Variants in TSHZ2 observed in about 807,000 individuals in gnomAD.
The protein encoded by TSHZ2 is teashirt zinc finger homeobox 2.
Under a neutral mutation model 74.4 loss-of-function variants are expected in TSHZ2, and 21 were observed. The ratio of observed to expected loss-of-function variants is 0.28; its 90% CI spans 0.20 to 0.41. The LOEUF is 0.41. Ranked by LOEUF, TSHZ2 falls within the 10% of genes least tolerant of loss-of-function variation. The probability of loss-of-function intolerance (pLI) is 1.00; values close to 1 mark genes in which losing one functional copy is unlikely to be tolerated. For synonymous variants in TSHZ2, 540 were observed against 515.3 expected (o/e 1.05, Z -0.65); for missense variants, 1,244 against 1,293.5 (o/e 0.96, Z 0.59).
At chr20:52,994,734 T>C (rs562329258) in intron 1 of TSHZ2, among the ~76,000 whole-genome samples, 1 of 152,322 alleles carries the variant, frequency 6.6e-6, no homozygotes, top group East Asian at 1.9e-4. Context: ...TTTCCCTGGT[T>C]GGCCACTCTG....
chr20:53,125,792 TA>T (rs1454148028), intron 1 of TSHZ2, among the ~76,000 whole-genome samples: 5 of 152,166 alleles, frequency 3.3e-5, no homozygotes, highest in African/African-American at 1.2e-4. Flanking sequence ...ATTAACACAT[TA>T]GATAACCAAA....
intron 1 of TSHZ2, among the ~76,000 whole-genome samples, chr20:52,991,303 G>A (rs865892942): frequency 0.016 from 2,135 of 136,524 alleles, 8 homozygotes; most frequent in African/African-American, 0.059. Flanking sequence ...GATTATGTAT[G>A]TTGTGGGTAT....
At chr20:53,247,764 G>A (rs774373216) in intron 1 of TSHZ2, among the ~76,000 whole-genome samples, 10 of 152,146 alleles carry the variant, frequency 6.6e-5, no homozygotes, top group African/African-American at 1.9e-4. Context: ...TGTCACCATC[G>A]GATATGTTTT....
chr20:53,481,893 C>T (rs1052628896), intron 2 of TSHZ2, among the ~76,000 whole-genome samples: 8 of 152,014 alleles, frequency 5.3e-5, no homozygotes, highest in African/African-American at 1.9e-4. Context: ...CTCCTGAGGT[C>T]GGGAGATCGA....
intron 1 of TSHZ2, among the ~76,000 whole-genome samples, chr20:53,102,906 C>CT (rs1986259402): frequency 6.6e-6 from 1 of 151,318 alleles, no homozygotes; most frequent in African/African-American, 2.4e-5. Flanking sequence ...TTTTAGGGTA[C>CT]ATGTGCCCAT....
Position 53,156,143 on chromosome 20 carries a change from T to C in TSHZ2, c.41-97356T>C, listed in dbSNP as rs376618080. 1.6e-4 allele frequency among the ~76,000 whole-genome samples: 25 copies of C among 152,300 alleles called. No individual in the cohort carries two copies. The South Asian group carries it at 5.2e-3, about 32-fold the overall frequency. ...CTAATTAGCCAGACCCACGTATCCT[T>C]TACCATTTTTATTGTTCTTGCACTC... On this transcript the variant is annotated intron_variant, in intron 1 of 2. Coordinates refer to ENST00000371497, the MANE Select transcript of TSHZ2 (RefSeq NM_173485.6).
intron 1 of TSHZ2, among the ~76,000 whole-genome samples, chr20:53,100,245 C>T (rs1312495713): frequency 6.6e-6 from 1 of 152,108 alleles, no homozygotes; most frequent in South Asian, 2.1e-4. Flanking sequence ...TATTTGCAAA[C>T]GGCCTCAACC....
intron 1 of TSHZ2, among the ~76,000 whole-genome samples, chr20:53,050,133 A>G (rs1471183396): frequency 2.0e-5 from 2 of 99,294 alleles, no homozygotes; most frequent in Non-Finnish European, 4.3e-5. Flanking sequence ...ATACACATAT[A>G]TATATGTGTA....
intron 1 of TSHZ2, among the ~76,000 whole-genome samples, chr20:53,194,220 C>A (rs1056302358): frequency 6.6e-6 from 1 of 152,172 alleles, no homozygotes; most frequent in African/African-American, 2.4e-5. Context: ...TGGGAGCCTG[C>A]TGTTGCTTAC....
At chr20:53,331,489 T>C (rs1250648094) in intron 2 of TSHZ2, among the ~76,000 whole-genome samples, 1 of 151,932 alleles carries the variant, frequency 6.6e-6, no homozygotes, top group Non-Finnish European at 1.5e-5. Flanking sequence ...CCGCCAACCA[T>C]GCACGACCTC....
chr20:53,077,735 C>T (rs1035036202), intron 1 of TSHZ2, among the ~76,000 whole-genome samples: 35 of 152,140 alleles, frequency 2.3e-4, no homozygotes, highest in African/African-American at 7.5e-4. Flanking sequence ...GTCAGTGTGG[C>T]AATTAATAGA....
At chr20:53,138,637 C>A (rs1408598133) in intron 1 of TSHZ2, among the ~76,000 whole-genome samples, 3 of 152,116 alleles carry the variant, frequency 2.0e-5, no homozygotes, top group Non-Finnish European at 4.4e-5. Context: ...TATTTTTCTA[C>A]CTGATGGACT....
At chr20:53,414,230 C>T (rs959241542) in intron 2 of TSHZ2, among the ~76,000 whole-genome samples, 16 of 152,094 alleles carry the variant, frequency 1.1e-4, no homozygotes, top group Non-Finnish European at 1.5e-5. Flanking sequence ...AGAAATGAGC[C>T]CTCGGGTTAC....
chr20:53,115,575 T>C (rs1986647072), intron 1 of TSHZ2, among the ~76,000 whole-genome samples: 2 of 152,334 alleles, frequency 1.3e-5, no homozygotes, highest in South Asian at 2.1e-4. Flanking sequence ...AGTATGTCTT[T>C]ATTAGCAGCA....
chr20:53,105,459 C>T (rs6097235), intron 1 of TSHZ2, among the ~76,000 whole-genome samples: 9,066 of 151,972 alleles, frequency 0.06, 703 homozygotes, highest in East Asian at 0.35. Context: ...GTCTCTTGAG[C>T]GGTAAAATCT....
At position 53,266,356 on chromosome 20, in the gene TSHZ2, C is replaced by T. The variant is rs117727175; in HGVS notation, c.*8+9785C>T. On this transcript the variant is annotated intron_variant, in intron 2 of 2. Coordinates refer to ENST00000371497, the MANE Select transcript of TSHZ2 (RefSeq NM_173485.6). ...GAAAGTATTTGTGCGCTCTGCCCCA[C>T]GCCCAGAAATTGTTTTCTCATTTTC... is the stretch of plus-strand genomic sequence containing the variant. 3.7e-3 allele frequency among the ~76,000 whole-genome samples: 564 copies of T among 152,294 alleles called. 3 individuals are homozygous for T. The highest frequency in any genetic ancestry group is 5.6e-3 in the Non-Finnish European group (382 of 68,012).
chr20:53,066,423 A>G (rs1800285084), intron 1 of TSHZ2, among the ~76,000 whole-genome samples: 1 of 150,934 alleles, frequency 6.6e-6, no homozygotes, highest in Admixed American at 6.6e-5. Flanking sequence ...CTTATCTTCT[A>G]CGTAAAGGGA....
chr20:53,420,606 G>T (rs1450878672), intron 2 of TSHZ2, among the ~76,000 whole-genome samples: 1 of 152,008 alleles, frequency 6.6e-6, no homozygotes, highest in Admixed American at 6.5e-5. Flanking sequence ...GGCGCCTGTA[G>T]TCCCAGCTAC....
intron 1 of TSHZ2, among the ~76,000 whole-genome samples, chr20:53,234,827 G>A (rs753070109): frequency 9.9e-5 from 15 of 152,100 alleles, no homozygotes; most frequent in Non-Finnish European, 1.9e-4. Context: ...GAAATCTGAG[G>A]GCCATGGTGA....
Sources: allele counts gnomAD v4.1 joint callset (sites outside exome capture counted in the v4.1 genomes callset), GRCh38; gene constraint gnomAD v4.1.1; transcripts MANE v1.5; gene names NCBI Gene and HGNC (gene_info 2026-07-23, HGNC 2026-07-21).